The following MERTK variants were observed in gnomAD, a reference collection of about 807,000 sequenced individuals.
The protein encoded by MERTK is MER proto-oncogene, tyrosine kinase, also known as tyrosine-protein kinase Mer.
In MERTK, 69 loss-of-function variants were observed where a neutral mutation model predicts 99.3. That is an observed-to-expected ratio of 0.70 (90% confidence interval 0.57 to 0.85). The LOEUF is 0.85. Ranked by LOEUF, MERTK falls within the 40% of genes least tolerant of loss-of-function variation. The pLI, the probability that MERTK is intolerant of heterozygous loss-of-function variation, is 0.00. For synonymous variants in MERTK, 426 were observed against 467.6 expected (o/e 0.91, Z 1.15); for missense variants, 1,125 against 1,249.4 (o/e 0.90, Z 1.50).
chr2:112,013,094 G>GT (rs2104415945), intron 15 of MERTK: 1 of 152,062 alleles, frequency 6.6e-6, no homozygotes, highest in Admixed American at 6.6e-5. Flanking sequence ...GGACAGGAGA[G>GT]TGGCCCCCTT....
At chr2:111,959,779 G>A (rs1451677825) in intron 4 of MERTK, among the ~76,000 whole-genome samples, 1 of 152,120 alleles carries the variant, frequency 6.6e-6, no homozygotes, top group African/African-American at 2.4e-5. Context: ...ACAGGAGTGA[G>A]CCCACTGTGC....
chr2:112,028,500 A>G lies in MERTK; in HGVS notation c.2636A>G (p.Glu879Gly), dbSNP rs1280613658. The change falls in exon 19 of 19, where the codon GAG becomes GGG. Residue 879 changes from glutamate (E) to glycine (G), a missense_variant. Coordinates refer to ENST00000295408, the MANE Select transcript of MERTK (RefSeq NM_006343.3). The stretch of plus-strand genomic sequence containing the variant: ...ATTTACGTCAATACACAGTTGCTGG[A>G]GAGCTCTGAGGGCCTGGCCCAGGGC... Reference protein sequence around the residue: ...DVIYVNTQLLESSEGLAQGST... With the variant: ...DVIYVNTQLLGSSEGLAQGST... 1.9e-6 allele frequency: 3 copies of G among 1,614,064 alleles called. 1 individual carries two copies. The highest frequency in any genetic ancestry group is 2.5e-6 in the Non-Finnish European group (3 of 1,180,048).
Position 112,003,055 on chromosome 2 carries a change from G to T in MERTK, c.1691-37G>T. 3 of 934,396 alleles carry T rather than the reference G, an allele frequency of 3.2e-6. No individual in the cohort carries two copies. The South Asian group carries it at 3.9e-5, about 12-fold the overall frequency. 57.9% of individuals were successfully genotyped at this position (934,396 alleles called of 1,614,324 possible). On this transcript the variant is annotated intron_variant, in intron 11 of 18. Coordinates refer to ENST00000295408, the MANE Select transcript of MERTK (RefSeq NM_006343.3). ...ATTATCAAGTGAAAGAAAACACGCTGACAATTTTTGTACATACTATGTTAC... is the reference window on the plus strand; with the variant it reads ...ATTATCAAGTGAAAGAAAACACGCTTACAATTTTTGTACATACTATGTTAC...
At chr2:111,938,379 G>A (rs1441718281) in intron 2 of MERTK, among the ~76,000 whole-genome samples, 1 of 152,118 alleles carries the variant, frequency 6.6e-6, no homozygotes, top group Non-Finnish European at 1.5e-5. Flanking sequence ...CTTTCTCTGT[G>A]AGTTTGACTA....
chr2:111,971,292 ATTG>A (rs1676114983), intron 6 of MERTK, among the ~76,000 whole-genome samples: 1 of 150,812 alleles, frequency 6.6e-6, no homozygotes. Context: ...ATTTTTTTCT[ATTG>A]TTTTTGTATT....
In MERTK at chr2:111,968,136, G is replaced by A; in HGVS notation, c.845-1G>A. On this transcript the variant is annotated splice_acceptor_variant, in intron 5 of 18. Coordinates refer to ENST00000295408, the MANE Select transcript of MERTK (RefSeq NM_006343.3). LOFTEE classifies it high-confidence loss of function. ...GTGTGTGTGTGTTTTGTTTTATGCA[G>A]CAATTCCCTCCCCACCAACTGAAGT... is the stretch of plus-strand genomic sequence containing the variant. 6.2e-7 allele frequency: 1 copy of A among 1,601,440 alleles called. No individual in the cohort carries two copies. The highest frequency in any genetic ancestry group is 8.6e-7 in the Non-Finnish European group (1 of 1,169,332).
At chr2:112,022,730 A>G (rs570966207) in intron 18 of MERTK, among the ~76,000 whole-genome samples, 4 of 152,362 alleles carry the variant, frequency 2.6e-5, no homozygotes, top group Admixed American at 2.6e-4. Flanking sequence ...TTCGCCTTGT[A>G]GTGCATGAGG....
At chr2:111,917,381 C>T (rs1188580076) in intron 1 of MERTK, among the ~76,000 whole-genome samples, 1 of 152,012 alleles carries the variant, frequency 6.6e-6, no homozygotes, top group Non-Finnish European at 1.5e-5. Context: ...GGGACGGGGC[C>T]GTGATGTGTT....
At chr2:112,023,191 G>A (rs1047678240) in intron 18 of MERTK, among the ~76,000 whole-genome samples, 11 of 152,128 alleles carry the variant, frequency 7.2e-5, no homozygotes, top group East Asian at 5.8e-4. Flanking sequence ...GACGCGGGTG[G>A]ATCACGAGGT....
At chr2:111,911,876 A>G (rs915086927) in intron 1 of MERTK, among the ~76,000 whole-genome samples, 13 of 151,072 alleles carry the variant, frequency 8.6e-5, no homozygotes, top group African/African-American at 2.9e-4. Flanking sequence ...TTTTGTAGAG[A>G]TGAGGTTTTG....
intron 15 of MERTK, among the ~76,000 whole-genome samples, chr2:112,011,449 A>G (rs1214673897): frequency 1.3e-5 from 2 of 152,108 alleles, no homozygotes; most frequent in African/African-American, 4.8e-5. Flanking sequence ...ACTATTAACC[A>G]AAGGAAGTTT....
At chr2:111,942,872 G>A (rs1358795155) in intron 2 of MERTK, among the ~76,000 whole-genome samples, 1 of 152,236 alleles carries the variant, frequency 6.6e-6, no homozygotes, top group African/African-American at 2.4e-5. Flanking sequence ...TCTGACTGAT[G>A]CCATTGTTGA....
At chr2:112,019,570 G>T in intron 16 of MERTK, 48 bp downstream of exon 16, 1 of 1,391,344 alleles carries the variant, frequency 7.2e-7, no homozygotes, top group Non-Finnish European at 1.0e-6. Flanking sequence ...CATGGTGTTT[G>T]GTCTTTGCAG....
chr2:111,926,549 A>G (rs1032022960), intron 1 of MERTK, among the ~76,000 whole-genome samples: 1 of 152,198 alleles, frequency 6.6e-6, no homozygotes. Flanking sequence ...TAACATGGTG[A>G]AACCCCGTCT....
At chr2:111,940,907 C>G (rs1280281572) in intron 2 of MERTK, 1 of 692,530 alleles carries the variant, frequency 1.4e-6, no homozygotes, top group Non-Finnish European at 2.8e-6. Flanking sequence ...TTACCTCTGT[C>G]TTCAGTCTTG....
intron 16 of MERTK, among the ~76,000 whole-genome samples, chr2:112,019,834 A>C (rs902700540): frequency 6.6e-6 from 1 of 152,194 alleles, no homozygotes; most frequent in Admixed American, 6.5e-5. Context: ...TTGGACCTAG[A>C]GTTATGTGTA....
chr2:112,003,334 T>A lies in MERTK; in HGVS notation c.1786+147T>A, dbSNP rs1676908241. The A allele has an allele frequency of 7.3e-6, 4 of 547,678 alleles. No homozygotes were observed. The Admixed American group carries it at 1.2e-4, about 17-fold the overall frequency. 33.9% of individuals were successfully genotyped at this position (547,678 alleles called of 1,614,324 possible). A position where few individuals can be genotyped will look rare whatever the true frequency, so the allele number is the denominator to read the frequency against. On this transcript the variant is annotated intron_variant, in intron 12 of 18. Coordinates refer to ENST00000295408, the MANE Select transcript of MERTK (RefSeq NM_006343.3). ...AGTTATATTTTATTATTTAAAATGATAGACTATTGATTTTTGAAACTCAGA... is the reference window on the plus strand; with the variant it reads ...AGTTATATTTTATTATTTAAAATGAAAGACTATTGATTTTTGAAACTCAGA...
At chr2:112,005,852 T>C (rs1341755505) in intron 13 of MERTK, among the ~76,000 whole-genome samples, 1 of 152,186 alleles carries the variant, frequency 6.6e-6, no homozygotes, top group African/African-American at 2.4e-5. Context: ...AAGCATGTAC[T>C]GAGACTCTTA....
intron 4 of MERTK, among the ~76,000 whole-genome samples, chr2:111,962,136 A>G (rs1422953270): frequency 1.3e-5 from 2 of 152,208 alleles, no homozygotes; most frequent in East Asian, 3.8e-4. Flanking sequence ...ATGTCAGATG[A>G]TGTTTCTGTG....
Sources: gnomAD v4.1 joint callset for allele counts (sites outside exome capture counted in the v4.1 genomes callset) on GRCh38, gnomAD v4.1.1 for gene constraint, MANE v1.5 for transcripts, NCBI Gene and HGNC (gene_info 2026-07-23, HGNC 2026-07-21) for gene names.